Variants in THRA observed in about 807,000 individuals in gnomAD.
THRA encodes thyroid hormone receptor alpha.
A neutral mutation model predicts 45.0 loss-of-function variants in THRA; 13 were observed. The observed-to-expected ratio is 0.29, with a 90% CI of 0.19 to 0.46. The LOEUF is 0.46. THRA is among the 20% of genes least tolerant of loss of function. THRA has a pLI of 1.00. For synonymous variants in THRA, 195 were observed against 214.0 expected, an observed-to-expected ratio of 0.91 and a Z score of 0.78; for missense variants, 278 against 556.1, an observed-to-expected ratio of 0.50 and a Z score of 5.03.
At chr17:40,083,213 C>T (rs1987208648) in intron 4 of THRA, among the ~76,000 whole-genome samples, 1 of 152,164 alleles carries the variant, frequency 6.6e-6, no homozygotes, top group African/African-American at 2.4e-5. Context: ...AGGCATAAGC[C>T]ACCGCGCCCG....
intron 6 of THRA, among the ~76,000 whole-genome samples, chr17:40,086,019 G>C (rs1987310026): frequency 6.6e-6 from 1 of 152,206 alleles, no homozygotes; most frequent in Admixed American, 6.5e-5. Context: ...GGCTGAGGCA[G>C]GAGGATCCCC....
intron 4 of THRA, among the ~76,000 whole-genome samples, chr17:40,078,949 C>T (rs1987046061): frequency 6.6e-6 from 1 of 152,060 alleles, no homozygotes; most frequent in African/African-American, 2.4e-5. Flanking sequence ...CCAGGATGGT[C>T]TTGATCTCTT....
At chr17:40,064,786 G>A (rs1246351525) in intron 1 of THRA, among the ~76,000 whole-genome samples, 1 of 152,162 alleles carries the variant, frequency 6.6e-6, no homozygotes, top group Non-Finnish European at 1.5e-5. Flanking sequence ...CTTGTTAGTT[G>A]ATTGACTGTG....
intron 2 of THRA, 116 bp from the exon 3 acceptor site, chr17:40,076,755 G>A: frequency 9.2e-7 from 1 of 1,089,236 alleles, no homozygotes; most frequent in Admixed American, 2.3e-5. Flanking sequence ...GTGGGAGGTA[G>A]AATGAGGACA....
intron 7 of THRA, 77 bp from the exon 8 acceptor site, chr17:40,088,165 C>G (rs1459846082): frequency 2.0e-6 from 3 of 1,512,110 alleles, no homozygotes; most frequent in Non-Finnish European, 2.7e-6. Context: ...TCACGGCTCC[C>G]GTAGGACACT....
In THRA at chr17:40,089,946, C is replaced by A; in HGVS notation, c.*490C>A. On this transcript the variant is annotated 3_prime_UTR_variant, in exon 9 of 9. Transcript: ENST00000450525. This position sits in a 1 kb window ranked among gnomAD's most constrained non-coding sequence, Gnocchi z 6.1. ...GTGCAAAGAACGGCTTGGCTTGGCT[C>A]CTCCTCTGGAGGTTAAAATTTATAG... 1.0e-6 allele frequency: 1 copy of A among 993,748 alleles called. No individual in the cohort carries two copies. Among genetic ancestry groups the A allele is most frequent in the Non-Finnish European group, 1.2e-6 (1 of 835,052 alleles). The allele number at this position is 993,748 out of a possible 1,614,324, so 61.6% of individuals were successfully genotyped here.
intron 5 of THRA, 65 bp downstream of exon 5, chr17:40,084,047 C>T (rs1233062476): frequency 4.0e-6 from 6 of 1,513,744 alleles, no homozygotes; most frequent in Non-Finnish European, 4.4e-6. Context: ...TCTGGGAGGG[C>T]AGCTTCCTTC....
chr17:40,065,160 T>C (rs1446378211), intron 1 of THRA, among the ~76,000 whole-genome samples: 1 of 152,032 alleles, frequency 6.6e-6, no homozygotes, highest in African/African-American at 2.4e-5. Flanking sequence ...CAGTGACTTC[T>C]AGAAGCTAGG....
intron 8 of THRA, among the ~76,000 whole-genome samples, chr17:40,088,989 C>G (rs1175437154): frequency 2.2e-4 from 28 of 128,138 alleles, no homozygotes; most frequent in African/African-American, 8.8e-4. Flanking sequence ...CCCCCTCCCC[C>G]CAGTACCCCC....
chr17:40,066,019 C>T (rs1038849396), intron 1 of THRA, among the ~76,000 whole-genome samples: 1 of 152,246 alleles, frequency 6.6e-6, no homozygotes, highest in Non-Finnish European at 1.5e-5. Context: ...CTCCACACCC[C>T]TGGCAGCTGA....
At chr17:40,085,657 T>C (rs556145245) in intron 6 of THRA, among the ~76,000 whole-genome samples, 2 of 150,986 alleles carry the variant, frequency 1.3e-5, no homozygotes, top group South Asian at 4.2e-4. Flanking sequence ...TTTTTTTTTT[T>C]TTTGAGTTGG....
intron 4 of THRA, among the ~76,000 whole-genome samples, chr17:40,082,208 T>C (rs34773734): frequency 1.3e-5 from 1 of 78,538 alleles, no homozygotes; most frequent in Non-Finnish European, 2.6e-5. Context: ...TTGGATTTCC[T>C]TTTTTTTTTT....
Position 40,086,925 on chromosome 17 carries a change from A to G in THRA, c.723+72A>G, listed in dbSNP as rs1207686282. 19 of 1,591,878 alleles carry G rather than the reference A, an allele frequency of 1.2e-5. 1 individual carries two copies. The East Asian group carries it at 3.1e-4, about 26-fold the overall frequency. ...ACCTGCTCCCCCGGTCACCCAGTAC[A>G]GGCTCATCTGAGGTTCTCTGGACAA... is the stretch of plus-strand genomic sequence containing the variant. On this transcript the variant is annotated intron_variant, in intron 7 of 8. Coordinates refer to ENST00000450525, the MANE Select transcript of THRA (RefSeq NM_199334.5).
chr17:40,086,207 G>A (rs1374547380), intron 6 of THRA, among the ~76,000 whole-genome samples: 1 of 152,200 alleles, frequency 6.6e-6, no homozygotes, highest in East Asian at 1.9e-4. Context: ...GAGCATGCCG[G>A]GGGGTGGCAC....
At chr17:40,080,866 G>T (rs1322568938) in intron 4 of THRA, among the ~76,000 whole-genome samples, 1 of 151,934 alleles carries the variant, frequency 6.6e-6, no homozygotes, top group Non-Finnish European at 1.5e-5. Context: ...GGGATTACAG[G>T]TGCCTGCCAC....
chr17:40,076,986 A>G lies in THRA; in HGVS notation c.121+48A>G, dbSNP rs751271851. The G allele has an allele frequency of 5.7e-6, 9 of 1,592,328 alleles. No individual in the cohort carries two copies. The South Asian group carries it at 1.0e-4, about 18-fold the overall frequency. ...CTTCTCCACGTCCCCAACCCCACCA[A>G]ACCCAGCCAGGGCTCCTCTGGACCT... On this transcript the variant is annotated intron_variant, in intron 3 of 8. Coordinates refer to ENST00000450525, the MANE Select transcript of THRA (RefSeq NM_199334.5).
rs34996814 is a variant in THRA, at chr17:40,089,179, G to A, written c.983-27G>A. The A allele has an allele frequency of 0.053, 84,612 of 1,602,990 alleles. 3,019 individuals carry two copies. Among genetic ancestry groups the A allele is most frequent in the African/African-American group, 0.17 (12,591 of 73,916 alleles). On this transcript the variant is annotated intron_variant, in intron 8 of 8. Coordinates refer to ENST00000450525, the MANE Select transcript of THRA (RefSeq NM_199334.5). This position sits in a 1 kb window ranked among gnomAD's most constrained non-coding sequence, Gnocchi z 6.1. ...TCTCCAGGCCTTCGGCCAGCCCCTC[G>A]CCCCTCACGCCCCTCTTCCCTCACA...
At chr17:40,067,028 G>A (rs1986599003) in intron 1 of THRA, among the ~76,000 whole-genome samples, 3 of 152,174 alleles carry the variant, frequency 2.0e-5, no homozygotes, top group Admixed American at 1.3e-4. Flanking sequence ...GAGAAGCTTC[G>A]TGGAGAATTG....
At chr17:40,082,281 C>A (rs1328784730) in intron 4 of THRA, among the ~76,000 whole-genome samples, 1 of 134,530 alleles carries the variant, frequency 7.4e-6, no homozygotes, top group Non-Finnish European at 1.5e-5. Flanking sequence ...ATGGCACAAT[C>A]TTGGCTCACC....
Sources: allele counts gnomAD v4.1 joint callset (sites outside exome capture counted in the v4.1 genomes callset), GRCh38; gene constraint gnomAD v4.1.1; non-coding constraint Gnocchi (gnomAD v3.1); transcripts MANE v1.5; gene names NCBI Gene and HGNC (gene_info 2026-07-23, HGNC 2026-07-21).